Variants in COL23A1 observed in about 807,000 individuals in gnomAD.
The protein encoded by COL23A1 is collagen alpha-1(XXIII) chain.
In COL23A1, 97 loss-of-function variants were observed where a neutral mutation model predicts 99.3. The observed-to-expected ratio is 0.98, with a 90% CI of 0.83 to 1.16. COL23A1 has a LOEUF of 1.16. COL23A1 is among the 50% of genes most tolerant of loss of function. The probability of loss-of-function intolerance (pLI) is 0.00; values close to 1 mark genes in which losing one functional copy is unlikely to be tolerated. For missense variants in COL23A1, 762 were observed against 757.4 expected (o/e 1.01, Z -0.07); for synonymous variants, 320 against 308.2 (o/e 1.04, Z -0.40).
chr5:178,460,854 G>A (rs964207547), intron 2 of COL23A1, among the ~76,000 whole-genome samples: 9 of 152,148 alleles, frequency 5.9e-5, no homozygotes, highest in African/African-American at 2.2e-4. Flanking sequence ...GCTGCCCTGT[G>A]GTCTTCAGTC....
chr5:178,427,872 A>C lies in COL23A1; in HGVS notation c.362-120953T>G, dbSNP rs186067707. Among the ~76,000 whole-genome samples the C allele has an allele frequency of 4.2e-3, 647 of 152,288 alleles. 7 individuals carry two copies. The highest frequency in any genetic ancestry group is 0.015 in the African/African-American group (611 of 41,550). ...TGAAACTATTCTGTATGATACTATA[A>C]TGGTGGATACATGTCATTGTGTATT... On this transcript the variant is annotated intron_variant, in intron 2 of 28. Transcript: ENST00000390654.
intron 2 of COL23A1, among the ~76,000 whole-genome samples, chr5:178,405,569 A>C (rs948547790): frequency 6.6e-6 from 1 of 152,342 alleles, no homozygotes; most frequent in African/African-American, 2.4e-5. Context: ...GTGACATGCA[A>C]TCGCACCTAC....
chr5:178,447,678 T>A (rs1767239189), intron 2 of COL23A1, among the ~76,000 whole-genome samples: 1 of 152,310 alleles, frequency 6.6e-6, no homozygotes, highest in Admixed American at 6.5e-5. Context: ...CAAAATTGCC[T>A]ACTGATGCAT....
chr5:178,542,493 C>A (rs925693947), intron 2 of COL23A1, among the ~76,000 whole-genome samples: 1 of 152,162 alleles, frequency 6.6e-6, no homozygotes, highest in Non-Finnish European at 1.5e-5. Context: ...GAAGGGCCTG[C>A]GCTGGTCACT....
intron 2 of COL23A1, among the ~76,000 whole-genome samples, chr5:178,371,186 A>C (rs4246818): frequency 0.13 from 19,389 of 152,278 alleles, 1,608 homozygotes; most frequent in East Asian, 0.29. Flanking sequence ...AAATACATAT[A>C]AAATGCCAAA....
intron 13 of COL23A1, 62 bp from the exon 14 acceptor site, chr5:178,256,990 G>C (rs910806694): frequency 5.9e-6 from 9 of 1,519,976 alleles, no homozygotes; most frequent in Admixed American, 5.4e-5. Context: ...GTGCCTTGGA[G>C]GGGGGCGTGC....
chr5:178,434,893 C>T lies in COL23A1; in HGVS notation c.361+125789G>A, dbSNP rs1387578998. Among the ~76,000 whole-genome samples, 5 of 152,210 alleles carry T rather than the reference C, an allele frequency of 3.3e-5. No individual in the cohort carries two copies. Among genetic ancestry groups the T allele is most frequent in the East Asian group, 3.9e-4 (2 of 5,178 alleles). ...AGGCAGGCATCCACTTCTGAACCCT[C>T]GGTCTCAGCCCTTGCAGGGCAGCCC... On this transcript the variant is annotated intron_variant, in intron 2 of 28. Coordinates refer to ENST00000390654, the MANE Select transcript of COL23A1 (RefSeq NM_173465.4). The surrounding 1 kb of genome is among the most constrained non-coding windows in gnomAD (Gnocchi z 4.3).
intron 2 of COL23A1, among the ~76,000 whole-genome samples, chr5:178,381,530 A>G (rs962482480): frequency 9.2e-5 from 14 of 152,024 alleles, no homozygotes; most frequent in Non-Finnish European, 1.5e-4. Flanking sequence ...CTATCCATGC[A>G]TTTGTGTTAG....
chr5:178,348,945 G>A (rs1449369533), intron 2 of COL23A1, among the ~76,000 whole-genome samples: 3 of 152,102 alleles, frequency 2.0e-5, no homozygotes, highest in African/African-American at 4.8e-5. Context: ...AGCACAGGCC[G>A]ACCCCCAAAT....
chr5:178,291,886 G>A (rs1461427770), intron 3 of COL23A1, among the ~76,000 whole-genome samples: 1 of 152,056 alleles, frequency 6.6e-6, no homozygotes, highest in African/African-American at 2.4e-5. Flanking sequence ...GATGACATGG[G>A]GGACAGTGCT....
intron 2 of COL23A1, among the ~76,000 whole-genome samples, chr5:178,504,499 C>T (rs903686618): frequency 6.6e-6 from 1 of 152,076 alleles, no homozygotes; most frequent in Admixed American, 6.6e-5. Context: ...GAAAGGGCTG[C>T]GTCCTAGCCA....
chr5:178,502,194 T>G (rs693751), intron 2 of COL23A1, among the ~76,000 whole-genome samples: 25 of 152,178 alleles, frequency 1.6e-4, no homozygotes, highest in East Asian at 7.8e-4. Flanking sequence ...TGCAGTGGCG[T>G]GATCTCGGCC....
chr5:178,269,389 A>G (rs1561809855), intron 6 of COL23A1, among the ~76,000 whole-genome samples: 3 of 75,884 alleles, frequency 4.0e-5, no homozygotes, highest in Non-Finnish European at 8.5e-5. Flanking sequence ...CCATCCATCC[A>G]CCCACCCATC....
intron 2 of COL23A1, among the ~76,000 whole-genome samples, chr5:178,516,924 C>T (rs995032111): frequency 6.6e-6 from 1 of 152,216 alleles, no homozygotes; most frequent in Non-Finnish European, 1.5e-5. Context: ...TGGGAGCGGG[C>T]TTCCTGCGCA....
intron 27 of COL23A1, among the ~76,000 whole-genome samples, chr5:178,241,689 C>T (rs1764409194): frequency 6.6e-6 from 1 of 152,228 alleles, no homozygotes; most frequent in African/African-American, 2.4e-5. Flanking sequence ...CAGGTAAAGC[C>T]CCTCCACTCC....
intron 2 of COL23A1, among the ~76,000 whole-genome samples, chr5:178,404,555 T>C (rs17648108): frequency 0.48 from 71,029 of 147,628 alleles, 19,896 homozygotes; most frequent in East Asian, 0.97. Flanking sequence ...ATACAGCTGA[T>C]TCCTTATGGT....
rs747655734 is a variant in COL23A1 at position 178,252,553 on chromosome 5, A to C, written c.1005T>G (p.Pro335=). ...PQGPPGPPGI[P]GAKGELGLPG... ...CTGCATCTGCACTGACCTTGGCTCC[A>C]GGGATCCCTGGTGGCCCTGGGGGCC... The change falls in exon 17 of 29, where the codon CCT becomes CCG. Residue 335 remains proline (P), a synonymous_variant. Transcript: ENST00000390654. 5 of 1,611,934 alleles carry C rather than the reference A, an allele frequency of 3.1e-6. No homozygotes were observed. The African/African-American group carries it at 5.3e-5, about 17-fold the overall frequency.
chr5:178,289,360 G>T (rs1414751758), intron 4 of COL23A1, among the ~76,000 whole-genome samples: 1 of 152,206 alleles, frequency 6.6e-6, no homozygotes, highest in East Asian at 1.9e-4. Flanking sequence ...TTGCCCTGGA[G>T]AATGAATGGG....
chr5:178,552,909 C>T (rs1475851315), intron 2 of COL23A1, among the ~76,000 whole-genome samples: 2 of 151,990 alleles, frequency 1.3e-5, no homozygotes, highest in Non-Finnish European at 2.9e-5. Flanking sequence ...AGGATTTCAC[C>T]ATGTTGGCCA....
Sources: allele counts gnomAD v4.1 joint callset (sites outside exome capture counted in the v4.1 genomes callset), GRCh38; gene constraint gnomAD v4.1.1; non-coding constraint Gnocchi (gnomAD v3.1); transcripts MANE v1.5; gene names NCBI Gene and HGNC (gene_info 2026-07-23, HGNC 2026-07-21).